The following ZNF880 variants were observed in gnomAD, a reference collection of about 807,000 sequenced individuals.
The protein encoded by ZNF880 is zinc finger protein LOC400713.
Under a neutral mutation model 11.8 loss-of-function variants are expected in ZNF880, and 12 were observed. That is an observed-to-expected ratio of 1.02 (90% CI 0.65 to 1.65). The LOEUF is 1.65. ZNF880 is among the 40% of genes most tolerant of loss of function. The pLI, the probability that ZNF880 is intolerant of heterozygous loss-of-function variation, is 0.00. For synonymous variants in ZNF880, 210 were observed against 232.4 expected, an observed-to-expected ratio of 0.90 and a Z score of 0.88; for missense variants, 601 against 673.9, an observed-to-expected ratio of 0.89 and a Z score of 1.20.
intron 1 of ZNF880, chr19:52,370,280 C>T (rs1455993157): frequency 2.3e-6 from 1 of 427,152 alleles, no homozygotes; most frequent in African/African-American, 2.0e-5. Context: ...AGTTCTCACC[C>T]GCGAGATGGA....
rs1267294163 is a variant in ZNF880, at chr19:52,385,340, A to G, written c.*26A>G. ...AATGTGTGTGGTAAGATCTTTAGTA[A>G]TAATTCACACCTTGCACAGCATGAG... On this transcript the variant is annotated 3_prime_UTR_variant, in exon 4 of 4. Coordinates refer to ENST00000422689, the MANE Select transcript of ZNF880 (RefSeq NM_001145434.2). The G allele has an allele frequency of 6.5e-7, 1 of 1,545,512 alleles. No homozygotes were observed. The highest frequency in any genetic ancestry group is 2.5e-5 in the East Asian group (1 of 40,812).
At position 52,384,400 on chromosome 19, in the gene ZNF880, G is replaced by A; in HGVS notation, c.820G>A (p.Gly274Ser). 1 of 1,614,012 alleles carries A rather than the reference G, an allele frequency of 6.2e-7. No homozygotes were observed. The highest frequency in any genetic ancestry group is 8.5e-7 in the Non-Finnish European group (1 of 1,179,936). Residue 274 changes from glycine (G) to serine (S), a missense_variant, in exon 4 of 4, where the codon GGC becomes AGC. Coordinates refer to ENST00000422689, the MANE Select transcript of ZNF880 (RefSeq NM_001145434.2). ...GAAACCTTACAAATGTCATGAGTGT[G>A]GCAAAGTCTTCACTCAAAATTCTCA... ...GEKPYKCHEC[G>S]KVFTQNSHLA... is the part of the protein sequence containing the mutation.
chr19:52,371,890 G>A (rs1428699094), intron 1 of ZNF880, among the ~76,000 whole-genome samples: 2 of 151,838 alleles, frequency 1.3e-5, no homozygotes, highest in East Asian at 3.9e-4. Flanking sequence ...CATGGGAGGT[G>A]TTCAAAAGCT....
At chr19:52,383,189 ATTTAG>A in intron 3 of ZNF880, among the ~76,000 whole-genome samples, 1 of 151,982 alleles carries the variant, frequency 6.6e-6, no homozygotes. Flanking sequence ...GCCTGATTTT[ATTTAG>A]TTATCTGTCT....
At chr19:52,386,191 A>T (rs1161967855), downstream of ZNF880, among the ~76,000 whole-genome samples, 2 of 136,024 alleles carry the variant, frequency 1.5e-5, no homozygotes, top group African/African-American at 2.8e-5. Context: ...AAAAAAAAGA[A>T]AGAAAAAGAA....
chr19:52,377,244 CT>C (rs113742244), intron 3 of ZNF880, among the ~76,000 whole-genome samples: 13 of 148,346 alleles, frequency 8.8e-5, no homozygotes, highest in Admixed American at 1.3e-4. Flanking sequence ...ATTGGCTGCT[CT>C]TTTTTTTTTG....
At chr19:52,374,817 C>A (rs899468745) in intron 3 of ZNF880, 6 of 432,378 alleles carry the variant, frequency 1.4e-5, no homozygotes, top group Admixed American at 1.1e-4. Flanking sequence ...GCCCGTGTAC[C>A]CTCAGTCTTT....
chr19:52,374,562 C>A lies in ZNF880; in HGVS notation c.268+135C>A, dbSNP rs765986894. The A allele has an allele frequency of 5.5e-6, 6 of 1,096,898 alleles. No individual in the cohort carries two copies. The Middle Eastern group carries it at 9.8e-4, about 179-fold the overall frequency. The allele number at this position is 1,096,898 out of a possible 1,614,324, so 67.9% of individuals were successfully genotyped here. A position where few individuals can be genotyped will look rare whatever the true frequency, so the allele number is the denominator to read the frequency against. On this transcript the variant is annotated intron_variant, in intron 3 of 3. Transcript: ENST00000422689. The stretch of plus-strand genomic sequence containing the variant: ...GTGGCTTAACTCATAGCCTCAAACT[C>A]CTGGTCTCAAGTGATCCTCCTTCCT...
chr19:52,392,750 A>G, the ZNF880 span: 485 of 228,956 alleles, frequency 2.1e-3, 12 homozygotes, highest in Admixed American at 0.02. Flanking sequence ...TAGCAAAAAA[A>G]TCCAGATGGG....
At chr19:52,380,443 ATG>A (rs1479256373) in intron 3 of ZNF880, among the ~76,000 whole-genome samples, 1 of 152,044 alleles carries the variant, frequency 6.6e-6, no homozygotes, top group African/African-American at 2.4e-5. Flanking sequence ...CTCTGGAAAA[ATG>A]TGTATTCCAT....
At chr19:52,394,719 G>C in the ZNF880 span, 1 of 152,052 alleles carries the variant, frequency 6.6e-6, no homozygotes, top group African/African-American at 2.4e-5. Context: ...AATTCTGTAA[G>C]TCACATATCT....
chr19:52,369,825 T>C, upstream of ZNF880: 1 of 1,091,934 alleles, frequency 9.2e-7, no homozygotes, highest in South Asian at 1.4e-5. Context: ...AGGTCTAGCC[T>C]CCAAAACGAG....
chr19:52,388,281 A>ACTTTTTTTTTT (rs1986945303), downstream of ZNF880, among the ~76,000 whole-genome samples: 1 of 38,892 alleles, frequency 2.6e-5, no homozygotes, highest in Non-Finnish European at 4.6e-5. Flanking sequence ...GGCAATTTGA[A>ACTTTTTTTTTT]CTTTTTTTTT....
the ZNF880 span, among the ~76,000 whole-genome samples, chr19:52,394,556 G>T: frequency 1.3e-5 from 2 of 152,126 alleles, no homozygotes; most frequent in African/African-American, 4.8e-5. Flanking sequence ...CGATATTTTT[G>T]TAGGTTGACC....
intron 3 of ZNF880, among the ~76,000 whole-genome samples, chr19:52,378,601 C>T (rs2062971): frequency 2.8e-5 from 4 of 143,266 alleles, no homozygotes; most frequent in Non-Finnish European, 6.0e-5. Context: ...GAGCCAAGAT[C>T]GTGCCACTGC....
At chr19:52,383,652 C>A (rs11084157) in intron 3 of ZNF880, among the ~76,000 whole-genome samples, 197 bp from the exon 4 acceptor site, 54,817 of 152,040 alleles carry the variant, frequency 0.36, 10,174 homozygotes, top group South Asian at 0.51. Flanking sequence ...CATAATCCAC[C>A]TGACTCCTGC....
rs1181024314 is a variant in ZNF880, at chr19:52,385,197, G to A, written c.1617G>A (p.Glu539=). 2.6e-6 allele frequency: 4 copies of A among 1,552,236 alleles called. 2 individuals are homozygous for A. The South Asian group carries it at 4.8e-5, about 18-fold the overall frequency. The change falls in exon 4 of 4, where the codon GAG becomes GAA. Residue 539 remains glutamate, a synonymous_variant. Transcript: ENST00000422689. ...FSHKLYLKKH[E]RIHTGEKPYR... ...ACAAGTTATACCTAAAAAAACATGA[G>A]AGAATTCATACTGGGGAGAAACCGT...
upstream of ZNF880, among the ~76,000 whole-genome samples, chr19:52,369,587 C>T (rs1258705602): frequency 6.6e-6 from 1 of 151,966 alleles, no homozygotes; most frequent in African/African-American, 2.4e-5. Flanking sequence ...CATGCCCAGG[C>T]GGGAGTGCAG....
At chr19:52,378,601 C>G (rs2062971) in intron 3 of ZNF880, among the ~76,000 whole-genome samples, 45,098 of 143,166 alleles carry the variant, frequency 0.32, 8,135 homozygotes, top group South Asian at 0.51. Flanking sequence ...GAGCCAAGAT[C>G]GTGCCACTGC....
Sources: gnomAD v4.1 joint callset for allele counts (sites outside exome capture counted in the v4.1 genomes callset) on GRCh38, gnomAD v4.1.1 for gene constraint, MANE v1.5 for transcripts, NCBI Gene and HGNC (gene_info 2026-07-23, HGNC 2026-07-21) for gene names.